The following NELL1 variants were observed in gnomAD, a reference collection of about 807,000 sequenced individuals.
NELL1 encodes protein kinase C-binding protein NELL1.
In NELL1, 76 loss-of-function variants were observed where a neutral mutation model predicts 107.4. The observed-to-expected ratio is 0.71, with a 90% CI of 0.59 to 0.86. The LOEUF (loss-of-function observed/expected upper bound fraction) is 0.86, where lower values mean the gene tolerates loss of function less well. Ranked by LOEUF, NELL1 falls within the 40% of genes least tolerant of loss-of-function variation. The pLI, the probability that NELL1 is intolerant of heterozygous loss-of-function variation, is 0.00. For synonymous variants in NELL1, 353 were observed against 341.2 expected (o/e 1.03, Z -0.38); for missense variants, 1,024 against 1,005.5 (o/e 1.02, Z -0.25).
intron 15 of NELL1, among the ~76,000 whole-genome samples, chr11:21,419,606 A>G (rs997650263): frequency 1.3e-5 from 2 of 152,174 alleles, no homozygotes; most frequent in Non-Finnish European, 2.9e-5. Context: ...GGTCCCAAGG[A>G]GAAACAGTTT....
At position 20,887,259 on chromosome 11, in the gene NELL1, G is replaced by T. The variant is rs75020225; in HGVS notation, c.603+1719G>T. ...CATTCTTCAGTTGATGGACATCTGG[G>T]TTATTTCCAGTTTGGAACAATTATG... On this transcript the variant is annotated intron_variant, in intron 5 of 19. Transcript: ENST00000357134. Among the ~76,000 whole-genome samples the T allele has an allele frequency of 9.2e-3, 1,405 of 152,264 alleles. 16 individuals carry two copies. Among genetic ancestry groups the T allele is most frequent in the African/African-American group, 0.033 (1,353 of 41,540 alleles).
rs1370057809 is a variant in NELL1 at position 20,726,761 on chromosome 11, G to A, written c.184+48701G>A. On this transcript the variant is annotated intron_variant, in intron 2 of 19. Transcript: ENST00000357134. ...TCCCTCCCCCATCCCCCCACCCCAT[G>A]ACAGGCCTCCATGTGTGATGTTCCC... 2.2e-5 allele frequency among the ~76,000 whole-genome samples: 3 copies of A among 133,714 alleles called. No homozygotes were observed. The East Asian group carries it at 6.4e-4, about 29-fold the overall frequency. 87.7% of individuals were successfully genotyped at this position (133,714 alleles called of 152,430 possible). A position where few individuals can be genotyped will look rare whatever the true frequency, so the allele number is the denominator to read the frequency against.
intron 14 of NELL1, among the ~76,000 whole-genome samples, chr11:21,333,553 A>G (rs943648116): frequency 1.3e-5 from 2 of 152,048 alleles, no homozygotes; most frequent in South Asian, 2.1e-4. Context: ...TTCCATATGT[A>G]TGTATACACA....
chr11:21,503,148 C>T (rs1286638144), intron 15 of NELL1, among the ~76,000 whole-genome samples: 4 of 152,236 alleles, frequency 2.6e-5, no homozygotes, highest in Non-Finnish European at 4.4e-5. Flanking sequence ...CCCAAAGTGC[C>T]GGGACTACAA....
At chr11:20,830,443 T>C in intron 3 of NELL1, among the ~76,000 whole-genome samples, 1 of 147,090 alleles carries the variant, frequency 6.8e-6, no homozygotes, top group East Asian at 2.1e-4. Flanking sequence ...TTCAAGCAAC[T>C]CTCCTGCCTC....
intron 15 of NELL1, among the ~76,000 whole-genome samples, chr11:21,424,960 C>T (rs905571183): frequency 6.6e-6 from 1 of 152,056 alleles, no homozygotes; most frequent in African/African-American, 2.4e-5. Flanking sequence ...ACTTTGATAC[C>T]AAAGCCAGAC....
At chr11:20,917,487 A>G (rs531286016) in intron 5 of NELL1, among the ~76,000 whole-genome samples, 2 of 152,078 alleles carry the variant, frequency 1.3e-5, no homozygotes, top group East Asian at 1.9e-4. Flanking sequence ...CAGCTTCTAC[A>G]TCTTCCATCT....
chr11:21,134,216 C>G (rs1855690550), intron 13 of NELL1, among the ~76,000 whole-genome samples: 1 of 152,156 alleles, frequency 6.6e-6, no homozygotes, highest in Non-Finnish European at 1.5e-5. Context: ...GTGTGAATGA[C>G]CAAGGAGGTC....
At chr11:21,540,663 G>C (rs1856270139) in intron 16 of NELL1, among the ~76,000 whole-genome samples, 2 of 151,952 alleles carry the variant, frequency 1.3e-5, no homozygotes, top group South Asian at 2.1e-4. Context: ...AGAGTGAAGG[G>C]GGGAGGTACT....
At chr11:20,786,579 G>A (rs1169007007) in intron 3 of NELL1, among the ~76,000 whole-genome samples, 1 of 151,930 alleles carries the variant, frequency 6.6e-6, no homozygotes, top group African/African-American at 2.4e-5. Flanking sequence ...ATGTTACTGG[G>A]GGCAAATCCA....
chr11:20,678,141 T>A lies in NELL1; in HGVS notation c.184+81T>A, dbSNP rs1429429149. ...GGGGAGTGCTCATTTGTTGTGTGTT[T>A]GTCTGGAGATCGCCTTTGCTATTTC... On this transcript the variant is annotated intron_variant, in intron 2 of 19. Transcript: ENST00000357134. The A allele has an allele frequency of 2.0e-6, 3 of 1,502,004 alleles. No homozygotes were observed. In the East Asian group the frequency reaches 6.8e-5, roughly 34 times the overall value. The allele number at this position is 1,502,004 out of a possible 1,614,324, so 93.0% of individuals were successfully genotyped here.
intron 13 of NELL1, among the ~76,000 whole-genome samples, chr11:21,167,541 A>G (rs77657435): frequency 0.011 from 1,599 of 151,980 alleles, 72 homozygotes; most frequent in African/African-American, 0.037. Flanking sequence ...TACTTTAGAT[A>G]CTGCAGTTCT....
chr11:20,916,543 T>C (rs1850261089), intron 5 of NELL1, among the ~76,000 whole-genome samples: 2 of 151,804 alleles, frequency 1.3e-5, no homozygotes, highest in African/African-American at 4.8e-5. Context: ...ATGATAAAAA[T>C]AAAAATAATC....
chr11:21,461,816 G>A (rs1853907303), intron 15 of NELL1, among the ~76,000 whole-genome samples: 1 of 152,074 alleles, frequency 6.6e-6, no homozygotes. Flanking sequence ...CTATTCTAGG[G>A]TTTAATCAGC....
Position 21,019,542 on chromosome 11 carries a change from G to A in NELL1, c.1300+58982G>A, listed in dbSNP as rs138693097. ...AACTGGGGGCAATTTTACCTTTCAG[G>A]GGACATATGAAAATGTCTGAAGACA... On this transcript the variant is annotated intron_variant, in intron 12 of 19. Coordinates refer to ENST00000357134, the MANE Select transcript of NELL1 (RefSeq NM_006157.5). Among the ~76,000 whole-genome samples, 10 of 152,078 alleles carry A rather than the reference G, an allele frequency of 6.6e-5. No individual in the cohort carries two copies. The East Asian group carries it at 1.9e-3, about 30-fold the overall frequency.
intron 15 of NELL1, among the ~76,000 whole-genome samples, chr11:21,391,894 C>T (rs1215435574): frequency 6.6e-6 from 1 of 151,726 alleles, no homozygotes; most frequent in African/African-American, 2.4e-5. Flanking sequence ...GCTCAGTTTA[C>T]CTATGTGGGA....
chr11:21,504,858 T>C (rs1855240716), intron 15 of NELL1, among the ~76,000 whole-genome samples: 1 of 152,170 alleles, frequency 6.6e-6, no homozygotes, highest in Non-Finnish European at 1.5e-5. Flanking sequence ...TCTCCTGCAC[T>C]CTATGGATAT....
At chr11:21,292,118 A>G (rs1294229955) in intron 14 of NELL1, among the ~76,000 whole-genome samples, 1 of 152,212 alleles carries the variant, frequency 6.6e-6, no homozygotes, top group Non-Finnish European at 1.5e-5. Context: ...TTCAAATAGA[A>G]AGAGAGGAAG....
intron 15 of NELL1, among the ~76,000 whole-genome samples, chr11:21,480,948 T>C (rs1854478310): frequency 6.6e-6 from 1 of 152,212 alleles, no homozygotes; most frequent in Non-Finnish European, 1.5e-5. Context: ...TTTATGACTA[T>C]ATGTATATAG....
Sources: gnomAD v4.1 joint callset for allele counts (sites outside exome capture counted in the v4.1 genomes callset) on GRCh38, gnomAD v4.1.1 for gene constraint, MANE v1.5 for transcripts, NCBI Gene and HGNC (gene_info 2026-07-23, HGNC 2026-07-21) for gene names.